The following PRSS55 variants were observed in gnomAD, a reference collection of about 807,000 sequenced individuals.
PRSS55 encodes the protein probable serine protease UNQ9391/PRO34284.
In PRSS55, 41 loss-of-function variants were observed where a neutral mutation model predicts 23.6. That is an observed-to-expected ratio of 1.74 (90% CI 1.35 to 2.26). PRSS55 has a LOEUF of 2.26. Ranked by LOEUF, PRSS55 falls within the 30% of genes most tolerant of loss-of-function variation. The pLI is 0.00. For synonymous variants in PRSS55, 262 were observed against 175.5 expected, an observed-to-expected ratio of 1.49 and a Z score of -3.90; for missense variants, 669 against 439.1, an observed-to-expected ratio of 1.52 and a Z score of -4.68.
At chr8:10,549,456 G>A (rs575064794) in intron 4 of PRSS55, among the ~76,000 whole-genome samples, 2 of 152,340 alleles carry the variant, frequency 1.3e-5, no homozygotes, top group Non-Finnish European at 2.9e-5. Context: ...CGGCATGTTG[G>A]GATGTGGGCT....
At chr8:10,553,828 T>C (rs780607042) in intron 4 of PRSS55, 20 of 640,958 alleles carry the variant, frequency 3.1e-5, no homozygotes, top group Non-Finnish European at 4.9e-5. Flanking sequence ...GATGGATATG[T>C]TAATTAGTTT....
chr8:10,544,351 CATT>C (rs764887662), intron 4 of PRSS55, among the ~76,000 whole-genome samples: 15 of 152,234 alleles, frequency 9.9e-5, no homozygotes, highest in South Asian at 4.1e-4. Flanking sequence ...GCTCTTTCAT[CATT>C]ATCATTTGCA....
At chr8:10,525,911 C>A (rs1290117469) in intron 1 of PRSS55, among the ~76,000 whole-genome samples, 172 bp downstream of exon 1, 1 of 152,226 alleles carries the variant, frequency 6.6e-6, no homozygotes, top group Non-Finnish European at 1.5e-5. Flanking sequence ...TTTGACTTGT[C>A]TAACCCTGAG....
Position 10,531,383 on chromosome 8 carries a change from A to G in PRSS55, c.436A>G (p.Lys146Glu). 1 of 1,614,230 alleles carries G rather than the reference A, an allele frequency of 6.2e-7. No homozygotes were observed. The highest frequency in any genetic ancestry group is 2.2e-5 in the East Asian group (1 of 44,876). ...GGAGGTCGCCAGCATCATTCTTCACAAAGACTTTAAGAGAGCCAACATGGA... is the reference window on the plus strand; with the variant it reads ...GGAGGTCGCCAGCATCATTCTTCACGAAGACTTTAAGAGAGCCAACATGGA... ...IKEVASIILH[K>E]DFKRANMDND... Residue 146 changes from lysine to glutamate, a missense_variant, in exon 3 of 5, where the codon AAA becomes GAA. Coordinates refer to ENST00000328655, the MANE Select transcript of PRSS55 (RefSeq NM_198464.4).
intron 1 of PRSS55, among the ~76,000 whole-genome samples, chr8:10,526,650 C>G (rs1485134380): frequency 1.3e-5 from 2 of 152,232 alleles, no homozygotes; most frequent in African/African-American, 4.8e-5. Flanking sequence ...CGATTCCATA[C>G]AGATGTTGTG....
At chr8:10,549,331 T>C (rs1812899866) in intron 4 of PRSS55, among the ~76,000 whole-genome samples, 1 of 151,786 alleles carries the variant, frequency 6.6e-6, no homozygotes, top group Non-Finnish European at 1.5e-5. Flanking sequence ...GAAGTGGGAG[T>C]GAGGGGACAG....
downstream of PRSS55, chr8:10,540,895 C>T (rs1812637230): frequency 6.6e-6 from 1 of 152,324 alleles, no homozygotes; most frequent in Non-Finnish European, 1.5e-5. Context: ...CATCTCAGGA[C>T]ATCACCACTG....
chr8:10,529,790 C>T (rs1292632192), intron 2 of PRSS55, 91 bp downstream of exon 2: 1 of 1,244,236 alleles, frequency 8.0e-7, no homozygotes, highest in Admixed American at 1.9e-5. Flanking sequence ...CTGAGAGGAA[C>T]CTGCGACTGC....
chr8:10,526,550 C>G (rs968147851), intron 1 of PRSS55, among the ~76,000 whole-genome samples: 1 of 152,222 alleles, frequency 6.6e-6, no homozygotes, highest in South Asian at 2.1e-4. Context: ...TCCTCTAATG[C>G]GTGATCGCTC....
Position 10,529,429 on chromosome 8 carries a change from C to T in PRSS55, c.155-78C>T, listed in dbSNP as rs1369262861. ...ATATCCACTTGGAAGCCTGCTCCTC[C>T]CAGCCCGGTCCCCAGCTCACACTGG... On this transcript the variant is annotated intron_variant, in intron 1 of 4. Coordinates refer to ENST00000328655, the MANE Select transcript of PRSS55 (RefSeq NM_198464.4). The T allele has an allele frequency of 4.8e-6, 7 of 1,466,218 alleles. No individual in the cohort carries two copies. The South Asian group carries it at 6.8e-5, about 14-fold the overall frequency. The allele number at this position is 1,466,218 out of a possible 1,614,324, so 90.8% of individuals were successfully genotyped here. A position where few individuals can be genotyped will look rare whatever the true frequency, so the allele number is the denominator to read the frequency against.
At chr8:10,529,775 G>C in intron 2 of PRSS55, 76 bp downstream of exon 2, 1 of 1,431,898 alleles carries the variant, frequency 7.0e-7, no homozygotes, top group Non-Finnish European at 9.6e-7. Context: ...ACCCACACCT[G>C]GTGGCTGAGA....
chr8:10,536,522 C>T (rs1010790650), intron 4 of PRSS55, among the ~76,000 whole-genome samples: 34 of 152,040 alleles, frequency 2.2e-4, no homozygotes, highest in African/African-American at 7.7e-4. Context: ...TGGTACAGAC[C>T]GAAAGGAATA....
chr8:10,550,846 G>T (rs139200293), intron 4 of PRSS55, among the ~76,000 whole-genome samples: 5 of 152,364 alleles, frequency 3.3e-5, no homozygotes, highest in Non-Finnish European at 5.9e-5. Context: ...GTGTGCGTGA[G>T]CACAAACACA....
At chr8:10,531,741 T>C (rs1812275359) in intron 3 of PRSS55, 196 bp downstream of exon 3, 1 of 648,816 alleles carries the variant, frequency 1.5e-6, no homozygotes, top group South Asian at 1.9e-5. Flanking sequence ...GCCAGTCCCC[T>C]AGTGCAGTCT....
chr8:10,531,254 C>A (rs1322356372), intron 2 of PRSS55, 41 bp from the exon 3 acceptor site: 1 of 1,608,190 alleles, frequency 6.2e-7, no homozygotes, highest in Non-Finnish European at 8.5e-7. Context: ...TGAGACTTCC[C>A]TTCCCCTTCC....
chr8:10,544,404 AT>A (rs1392364461), intron 4 of PRSS55, among the ~76,000 whole-genome samples: 1 of 152,102 alleles, frequency 6.6e-6, no homozygotes, highest in Non-Finnish European at 1.5e-5. Context: ...CTACTTATAT[AT>A]GTGAATTTAA....
At chr8:10,525,909 G>A (rs1812005960) in intron 1 of PRSS55, among the ~76,000 whole-genome samples, 170 bp downstream of exon 1, 1 of 152,164 alleles carries the variant, frequency 6.6e-6, no homozygotes, top group South Asian at 2.1e-4. Context: ...TGTTTGACTT[G>A]TCTAACCCTG....
intron 4 of PRSS55, among the ~76,000 whole-genome samples, chr8:10,549,843 T>C (rs112946129): frequency 6.6e-6 from 1 of 152,192 alleles, no homozygotes; most frequent in Non-Finnish European, 1.5e-5. Context: ...GGTAAGGCCC[T>C]GTTCCCGGCC....
At chr8:10,535,622 A>T (rs1350817355) in intron 4 of PRSS55, among the ~76,000 whole-genome samples, 6 of 152,238 alleles carry the variant, frequency 3.9e-5, no homozygotes, top group Admixed American at 3.9e-4. Flanking sequence ...ACACTAAAAG[A>T]AAGTCACACT....
Sources: allele counts gnomAD v4.1 joint callset (sites outside exome capture counted in the v4.1 genomes callset), GRCh38; gene constraint gnomAD v4.1.1; transcripts MANE v1.5; gene names NCBI Gene and HGNC (gene_info 2026-07-23, HGNC 2026-07-21).